Variants in ANAPC4 observed in about 807,000 individuals in gnomAD.
The protein encoded by ANAPC4 is anaphase promoting complex subunit 4, also known as anaphase-promoting complex subunit 4.
Under a neutral mutation model 119.8 loss-of-function variants are expected in ANAPC4, and 63 were observed. That is an observed-to-expected ratio of 0.53 (90% CI 0.43 to 0.65). The LOEUF is 0.65. Among genes scored for constraint, ANAPC4 ranks in the 30% least tolerant of loss-of-function variants. The probability of loss-of-function intolerance (pLI) is 0.00; values close to 1 mark genes in which losing one functional copy is unlikely to be tolerated. For missense variants in ANAPC4, 716 were observed against 945.1 expected, an observed-to-expected ratio of 0.76 and a Z score of 3.18; for synonymous variants, 283 against 318.6, an observed-to-expected ratio of 0.89 and a Z score of 1.19.
chr4:25,396,238 C>G (rs928623174), intron 14 of ANAPC4, among the ~76,000 whole-genome samples: 5 of 152,238 alleles, frequency 3.3e-5, no homozygotes, highest in African/African-American at 1.2e-4. Flanking sequence ...GCGATCATGA[C>G]TGTCTTCCCT....
chr4:25,394,239 A>G (rs1032511117), intron 11 of ANAPC4, 71 bp from the exon 12 acceptor site: 7 of 1,264,620 alleles, frequency 5.5e-6, no homozygotes, highest in Non-Finnish European at 7.7e-6. Context: ...TCATGCTCCT[A>G]TAATTTTGAA....
chr4:25,406,199 A>T (rs1488017912), intron 18 of ANAPC4, among the ~76,000 whole-genome samples: 1 of 152,224 alleles, frequency 6.6e-6, no homozygotes, highest in Non-Finnish European at 1.5e-5. Flanking sequence ...CATGAGCTAG[A>T]TGAGAAAGGG....
At chr4:25,412,364 G>A (rs2324712) in intron 21 of ANAPC4, among the ~76,000 whole-genome samples, 61,747 of 151,920 alleles carry the variant, frequency 0.41, 14,596 homozygotes, top group Non-Finnish European at 0.52. Flanking sequence ...CAACCTCCAA[G>A]CCCCTCTCTC....
Position 25,390,209 on chromosome 4 carries a change from C to G in ANAPC4, c.589C>G (p.Arg197Gly), listed in dbSNP as rs771350520. 2.3e-5 allele frequency: 37 copies of G among 1,610,914 alleles called. 1 individual carries two copies. The highest frequency in any genetic ancestry group is 3.3e-4 in the Middle Eastern group (2 of 6,040). Residue 197 changes from arginine to glycine, a missense_variant, in exon 8 of 29, where the codon CGA becomes GGA. Transcript: ENST00000315368. ...LYAYGMFKIA[R>G]VTGIAGTCLA... ...TGCTTATGGAATGTTTAAAATTGCTCGAGTCACAGGGGTAAGATTTCTTTA... is the reference window on the plus strand; with the variant it reads ...TGCTTATGGAATGTTTAAAATTGCTGGAGTCACAGGGGTAAGATTTCTTTA...
At chr4:25,396,230 G>A (rs1172483320) in intron 14 of ANAPC4, among the ~76,000 whole-genome samples, 2 of 152,140 alleles carry the variant, frequency 1.3e-5, no homozygotes, top group African/African-American at 4.8e-5. Flanking sequence ...ATGACTATGC[G>A]ATCATGACTG....
At chr4:25,391,729 T>C (rs1722356449) in intron 9 of ANAPC4, among the ~76,000 whole-genome samples, 1 of 152,160 alleles carries the variant, frequency 6.6e-6, no homozygotes, top group South Asian at 2.1e-4. Flanking sequence ...CAAACAAAAG[T>C]AGAACAAAAA....
chr4:25,396,816 A>G (rs1722677459), intron 15 of ANAPC4, 32 bp from the exon 16 acceptor site: 1 of 1,608,916 alleles, frequency 6.2e-7, no homozygotes, highest in African/African-American at 1.3e-5. Context: ...TACTTATTTG[A>G]CAAATGACGT....
chr4:25,398,376 G>A (rs1012099219), intron 16 of ANAPC4, among the ~76,000 whole-genome samples: 3 of 152,208 alleles, frequency 2.0e-5, no homozygotes, highest in Admixed American at 1.3e-4. Context: ...AGAAGGTGAA[G>A]TTGGAAGGAG....
At chr4:25,381,722 G>T (rs1253239580) in intron 3 of ANAPC4, among the ~76,000 whole-genome samples, 1 of 152,138 alleles carries the variant, frequency 6.6e-6, no homozygotes, top group African/African-American at 2.4e-5. Context: ...GGCTGAGGTA[G>T]GTGAATCATG....
At chr4:25,395,086 G>A (rs1722572176) in intron 14 of ANAPC4, 181 bp downstream of exon 14, 1 of 524,788 alleles carries the variant, frequency 1.9e-6, no homozygotes, top group Non-Finnish European at 3.3e-6. Flanking sequence ...TAATAATTCT[G>A]CTTTATGAAG....
chr4:25,380,442 G>T lies in ANAPC4; in HGVS notation c.198G>T (p.Lys66Asn), dbSNP rs781348727. The T allele has an allele frequency of 6.2e-7, 1 of 1,613,130 alleles. No homozygotes were observed. The highest frequency in any genetic ancestry group is 1.3e-5 in the African/African-American group (1 of 74,900). Residue 66 changes from lysine (K) to asparagine (N), a missense_variant, in exon 3 of 29, where the codon AAG becomes AAT. Lys to Asn is a moderately conservative substitution (Grantham distance 94). Around this residue, in one of 3 missense-constraint regions of ANAPC4, gnomAD observed 202 missense variants for 293.5 expected, o/e 0.69. Coordinates refer to ENST00000315368, the MANE Select transcript of ANAPC4 (RefSeq NM_013367.3). The stretch of plus-strand genomic sequence containing the variant: ...TTCCACCAAATGAAAATACAGGAAA[G>T]GAGGTGACGTGTCTGGCATGGAGAC... Reference protein sequence around the residue: ...WSFPPNENTGKEVTCLAWRPD... With the variant: ...WSFPPNENTGNEVTCLAWRPD...
intron 26 of ANAPC4, chr4:25,415,783 C>G (rs1235644844): frequency 2.8e-6 from 1 of 356,854 alleles, no homozygotes; most frequent in Non-Finnish European, 5.0e-6. Context: ...CCTGAGCTCC[C>G]TGTTGACAAA....
rs1723053333 is a variant in ANAPC4, at chr4:25,402,873, G to A, written c.1215-98G>A. 8.3e-6 allele frequency: 5 copies of A among 603,154 alleles called. No homozygotes were observed. The East Asian group carries it at 1.6e-4, about 20-fold the overall frequency. 37.4% of individuals were successfully genotyped at this position (603,154 alleles called of 1,614,324 possible). A position where few individuals can be genotyped will look rare whatever the true frequency, so the allele number is the denominator to read the frequency against. Reference sequence around the variant, plus strand: ...AATGTCACCCAGATAGGATAAAATAGAACAGTAAGGATTATGATATTTCCT... The same window carrying A: ...AATGTCACCCAGATAGGATAAAATAAAACAGTAAGGATTATGATATTTCCT... On this transcript the variant is annotated intron_variant, in intron 16 of 28. Transcript: ENST00000315368.
rs776949076 is a variant in ANAPC4 at position 25,377,475 on chromosome 4, G to A, written c.48G>A (p.Glu16=). Residue 16 remains glutamate, a synonymous_variant, in exon 2 of 29, where the codon GAG becomes GAA. Coordinates refer to ENST00000315368, the MANE Select transcript of ANAPC4 (RefSeq NM_013367.3). The part of the protein sequence containing the change: ...TCFPSFRVVG[E]KQLPQEIIFL... ...TCCCATCCTTCCGGGTGGTGGGAGAGAAGCAGCTCCCGCAGGAGATTATTT... is the reference window on the plus strand; with the variant it reads ...TCCCATCCTTCCGGGTGGTGGGAGAAAAGCAGCTCCCGCAGGAGATTATTT... 38 of 1,614,048 alleles carry A rather than the reference G, an allele frequency of 2.4e-5. No individual in the cohort carries two copies. In the South Asian group the frequency reaches 3.6e-4, roughly 15 times the overall value.
intron 21 of ANAPC4, 82 bp from the exon 22 acceptor site, chr4:25,413,563 C>A: frequency 9.7e-7 from 1 of 1,027,688 alleles, no homozygotes. Context: ...TGCAGACTGG[C>A]TCTAACAGTA....
chr4:25,414,401 T>C lies in ANAPC4; in HGVS notation c.1685+16T>C, dbSNP rs2109146220. On this transcript the variant is annotated intron_variant, in intron 23 of 28. Coordinates refer to ENST00000315368, the MANE Select transcript of ANAPC4 (RefSeq NM_013367.3). ...ATACCAGAAGGTAATTCTGTTTACC[T>C]ATTGGATGGTGTAATTCCGCAGCCA... 1 of 1,601,136 alleles carries C rather than the reference T, an allele frequency of 6.2e-7. No homozygotes were observed. Among genetic ancestry groups the C allele is most frequent in the South Asian group, 1.1e-5 (1 of 89,372 alleles).
chr4:25,393,972 C>T (rs1160109180), intron 11 of ANAPC4, 81 bp downstream of exon 11: 2 of 1,111,962 alleles, frequency 1.8e-6, no homozygotes, highest in East Asian at 2.7e-5. Context: ...TGAGAAAAAT[C>T]AGTTTGATTC....
At chr4:25,401,798 A>G (rs1409600402) in intron 16 of ANAPC4, among the ~76,000 whole-genome samples, 1 of 152,156 alleles carries the variant, frequency 6.6e-6, no homozygotes, top group African/African-American at 2.4e-5. Context: ...TTTTAATGGT[A>G]TTTTAGAAGG....
chr4:25,398,400 A>G (rs992436230), intron 16 of ANAPC4, among the ~76,000 whole-genome samples: 5 of 152,094 alleles, frequency 3.3e-5, no homozygotes, highest in Non-Finnish European at 7.4e-5. Flanking sequence ...GAAGGGAGCA[A>G]GCCCTGTTGA....
Sources: allele counts gnomAD v4.1 joint callset (sites outside exome capture counted in the v4.1 genomes callset), GRCh38; gene constraint gnomAD v4.1.1; regional missense constraint gnomAD v4.1.1; transcripts MANE v1.5; gene names NCBI Gene and HGNC (gene_info 2026-07-23, HGNC 2026-07-21).